NDRG4: variants seen among roughly 807,000 people sequenced by gnomAD.
NDRG4 encodes the protein protein NDRG4.
NDRG4 carries 38 observed loss-of-function variants against 55.8 expected under a neutral mutation model. The ratio of observed to expected loss-of-function variants is 0.68; its 90% CI spans 0.53 to 0.89. NDRG4 has a LOEUF of 0.89. Among genes scored for constraint, NDRG4 ranks in the 40% least tolerant of loss-of-function variants. The probability of loss-of-function intolerance (pLI) is 0.00; values close to 1 mark genes in which losing one functional copy is unlikely to be tolerated. For missense variants in NDRG4, 455 were observed against 468.6 expected (o/e 0.97, Z 0.27); for synonymous variants, 190 against 182.7 (o/e 1.04, Z -0.32).
intron 2 of NDRG4, among the ~76,000 whole-genome samples, chr16:58,491,546 C>T (rs1345444486): frequency 2.0e-5 from 3 of 152,052 alleles, no homozygotes; most frequent in African/African-American, 7.3e-5. Flanking sequence ...CCACAACCTC[C>T]GCCTCCCCAA....
chr16:58,489,545 C>T (rs779223577), intron 2 of NDRG4, among the ~76,000 whole-genome samples: 2 of 151,978 alleles, frequency 1.3e-5, no homozygotes, highest in African/African-American at 2.4e-5. Flanking sequence ...CCCTCTCTAA[C>T]CCCTGGGTCT....
chr16:58,488,171 C>A (rs1597171021), intron 2 of NDRG4, among the ~76,000 whole-genome samples: 1 of 152,356 alleles, frequency 6.6e-6, no homozygotes, highest in African/African-American at 2.4e-5. Flanking sequence ...GCCATATCAA[C>A]CCCTGTTTCT....
At chr16:58,493,426 A>G (rs143598533) in intron 2 of NDRG4, among the ~76,000 whole-genome samples, 1,750 of 152,170 alleles carry the variant, frequency 0.012, 30 homozygotes, top group African/African-American at 0.04. Context: ...GTGCCACCAC[A>G]CCCAGCTAAT....
At chr16:58,487,638 G>C (rs2035255607) in intron 1 of NDRG4, 3 of 725,930 alleles carry the variant, frequency 4.1e-6, no homozygotes, top group African/African-American at 3.6e-5. Context: ...CTGCGCTTGG[G>C]GGCCAGGGGG....
chr16:58,502,079 T>G (rs865913408), intron 1 of NDRG4: 1 of 449,258 alleles, frequency 2.2e-6, no homozygotes, highest in Non-Finnish European at 4.5e-6. Context: ...CAGCCTTCAG[T>G]GCACCGCCCT....
chr16:58,508,866 C>T lies in NDRG4; in HGVS notation c.730-96C>T. 5.8e-6 allele frequency: 8 copies of T among 1,384,452 alleles called. No homozygotes were observed. The South Asian group carries it at 6.2e-5, about 11-fold the overall frequency. The allele number at this position is 1,384,452 out of a possible 1,614,324, so 85.8% of individuals were successfully genotyped here. A position where few individuals can be genotyped will look rare whatever the true frequency, so the allele number is the denominator to read the frequency against. On this transcript the variant is annotated intron_variant, in intron 10 of 14. Coordinates refer to ENST00000570248, the MANE Select transcript of NDRG4 (RefSeq NM_001242835.2). The stretch of plus-strand genomic sequence containing the variant: ...TGGGCCTCCCTCTGCCTCCCTGCAC[C>T]CCCTCTCCTCCCCGAGCTTGGGGCA...
At chr16:58,499,979 G>C, upstream of NDRG4, 3 of 753,814 alleles carry the variant, frequency 4.0e-6, no homozygotes, top group South Asian at 5.5e-5. Flanking sequence ...CTGGGGCAAG[G>C]AGGACTTCAG....
At chr16:58,494,833 A>T (rs1214506915) in intron 2 of NDRG4, 2 of 241,324 alleles carry the variant, frequency 8.3e-6, no homozygotes. Flanking sequence ...CCCTGTCTCT[A>T]AAAAAAAAAA....
At chr16:58,492,231 G>T (rs1001302439) in intron 2 of NDRG4, among the ~76,000 whole-genome samples, 7 of 152,116 alleles carry the variant, frequency 4.6e-5, no homozygotes, top group Non-Finnish European at 1.0e-4. Flanking sequence ...TGCCTGGCCT[G>T]TCTGGGTTCC....
chr16:58,464,430 G>A lies in NDRG4; in HGVS notation c.-24+633G>A, dbSNP rs998507353. 8.8e-6 allele frequency: 12 copies of A among 1,367,536 alleles called. No homozygotes were observed. The African/African-American group carries it at 1.4e-4, about 16-fold the overall frequency. The allele number at this position is 1,367,536 out of a possible 1,614,324, so 84.7% of individuals were successfully genotyped here. A position where few individuals can be genotyped will look rare whatever the true frequency, so the allele number is the denominator to read the frequency against. On this transcript the variant is annotated intron_variant, in intron 1 of 15. Transcript: ENST00000258187. The surrounding 1 kb of genome is among the most constrained non-coding windows in gnomAD (Gnocchi z 4.8). The stretch of plus-strand genomic sequence containing the variant: ...AGAGCCGGGCCGCGCCGGGCGCCGA[G>A]ATGAAGGTGCTGGGACACCGGCTGG...
intron 1 of NDRG4, among the ~76,000 whole-genome samples, chr16:58,481,380 A>C (rs182568434): frequency 1.1e-4 from 17 of 152,316 alleles, no homozygotes; most frequent in Admixed American, 2.6e-4. Flanking sequence ...CTACTGAGTC[A>C]GCCCGGGTCT....
intron 13 of NDRG4, 104 bp from the exon 14 acceptor site, chr16:58,510,541 T>C: frequency 4.1e-6 from 4 of 974,188 alleles, no homozygotes; most frequent in African/African-American, 1.6e-5. Flanking sequence ...CTTTGTCCCA[T>C]CTCTCTGGCT....
chr16:58,498,057 G>A (rs936673018), upstream of NDRG4, among the ~76,000 whole-genome samples: 8 of 152,144 alleles, frequency 5.3e-5, no homozygotes, highest in Non-Finnish European at 1.2e-4. Context: ...AGTCATGGAG[G>A]CTGTGGCTTG....
intron 1 of NDRG4, among the ~76,000 whole-genome samples, chr16:58,475,299 G>A (rs1451932761): frequency 6.6e-6 from 1 of 152,232 alleles, no homozygotes; most frequent in African/African-American, 2.4e-5. Flanking sequence ...GGTTACCCAT[G>A]TCAGTATAAT....
At position 58,506,425 on chromosome 16, in the gene NDRG4, G is replaced by A; in HGVS notation, c.411G>A (p.Val137=). ...FPDLVEGLVL[V]NIDPNGKGWI... is the part of the protein sequence containing the mutation. ...ACCTGGTGGAGGGGCTGGTGCTGGT[G>A]AACATCGACCCCAATGGCAAAGGCT... is the stretch of plus-strand genomic sequence containing the variant. Residue 137 remains valine, a synonymous_variant, in exon 6 of 15, where the codon GTG becomes GTA. Transcript: ENST00000570248. 6.2e-7 allele frequency: 1 copy of A among 1,610,300 alleles called. No individual in the cohort carries two copies. Among genetic ancestry groups the A allele is most frequent in the Non-Finnish European group, 8.5e-7 (1 of 1,178,280 alleles).
At chr16:58,491,608 G>A (rs1235941282) in intron 2 of NDRG4, among the ~76,000 whole-genome samples, 1 of 151,956 alleles carries the variant, frequency 6.6e-6, no homozygotes, top group East Asian at 1.9e-4. Flanking sequence ...TTACAGGCAT[G>A]AGCCACCACA....
chr16:58,505,962 T>G, intron 5 of NDRG4: 3 of 310,184 alleles, frequency 9.7e-6, no homozygotes, highest in South Asian at 8.1e-5. Flanking sequence ...CCTCAGGTGA[T>G]CAGCCCGCCT....
intron 1 of NDRG4, among the ~76,000 whole-genome samples, chr16:58,484,730 A>G (rs7206622): frequency 0.91 from 139,150 of 152,190 alleles, 63,867 homozygotes; most frequent in South Asian, 0.96. Context: ...GCATGATGGA[A>G]GGGAAAGAGC....
chr16:58,472,897 C>T (rs1290845335), intron 1 of NDRG4, among the ~76,000 whole-genome samples: 1 of 152,134 alleles, frequency 6.6e-6, no homozygotes, highest in Non-Finnish European at 1.5e-5. Flanking sequence ...GTTTCCAGGC[C>T]ACCCAACCCC....
Sources: allele counts gnomAD v4.1 joint callset (sites outside exome capture counted in the v4.1 genomes callset), GRCh38; gene constraint gnomAD v4.1.1; non-coding constraint Gnocchi (gnomAD v3.1); transcripts MANE v1.5; gene names NCBI Gene and HGNC (gene_info 2026-07-23, HGNC 2026-07-21).